The following STK32B variants were observed in gnomAD, a reference collection of about 807,000 sequenced individuals.
The protein encoded by STK32B is serine/threonine kinase 32B.
STK32B carries 43 observed loss-of-function variants against 52.6 expected under a neutral mutation model. The ratio of observed to expected loss-of-function variants is 0.82; its 90% CI spans 0.64 to 1.05. The LOEUF (loss-of-function observed/expected upper bound fraction) is 1.05, where lower values mean the gene tolerates loss of function less well. Ranked by LOEUF, STK32B falls within the 50% of genes least tolerant of loss-of-function variation. The pLI, the probability that STK32B is intolerant of heterozygous loss-of-function variation, is 0.00. For synonymous variants in STK32B, 238 were observed against 204.3 expected (o/e 1.17, Z -1.41); for missense variants, 621 against 534.6 (o/e 1.16, Z -1.59).
intron 3 of STK32B, among the ~76,000 whole-genome samples, chr4:5,222,036 A>C (rs1407955622): frequency 6.6e-6 from 1 of 152,128 alleles, no homozygotes; most frequent in Non-Finnish European, 1.5e-5. Flanking sequence ...AGGACCTAGC[A>C]TTCCACCCCT....
At chr4:5,036,729 G>A in the STK32B span, among the ~76,000 whole-genome samples, 3 of 137,970 alleles carry the variant, frequency 2.2e-5, no homozygotes, top group Non-Finnish European at 3.0e-5. Context: ...GTGCCGTGGC[G>A]TGATCTTGGC....
At position 5,268,541 on chromosome 4, in the gene STK32B, GTGTGT is replaced by G. The variant is rs1727201263; in HGVS notation, c.261-62678_261-62674del. On this transcript the variant is annotated intron_variant, in intron 3 of 11. Coordinates refer to ENST00000282908, the MANE Select transcript of STK32B (RefSeq NM_018401.3). ...ACTATTTGAAGTTGCTTGGTGTGGT[GTGTGT>G]GTGTGTGTGTGTGTGTGTGTGTGTG... Among the ~76,000 whole-genome samples the G allele has an allele frequency of 5.9e-4, 4 of 6,788 alleles. No homozygotes were observed. The African/African-American group carries it at 6.9e-3, about 12-fold the overall frequency. 4.5% of individuals were successfully genotyped at this position (6,788 alleles called of 152,430 possible).
chr4:5,238,551 C>T (rs1724788632), intron 3 of STK32B, among the ~76,000 whole-genome samples: 1 of 152,206 alleles, frequency 6.6e-6, no homozygotes, highest in Non-Finnish European at 1.5e-5. Context: ...AGTCAACATT[C>T]AACCCGCTAC....
chr4:5,284,503 T>C (rs1200657912), intron 3 of STK32B, among the ~76,000 whole-genome samples: 1 of 152,130 alleles, frequency 6.6e-6, no homozygotes, highest in African/African-American at 2.4e-5. Flanking sequence ...TATGATAAAA[T>C]GTACATTAAT....
intron 3 of STK32B, among the ~76,000 whole-genome samples, chr4:5,312,675 CCAGT>C (rs1326788218): frequency 6.6e-6 from 1 of 151,818 alleles, no homozygotes; most frequent in Non-Finnish European, 1.5e-5. Context: ...TTTTCTTAAT[CCAGT>C]CTATCATTGT....
At chr4:5,413,514 T>A (rs1711884973) in intron 5 of STK32B, among the ~76,000 whole-genome samples, 1 of 152,192 alleles carries the variant, frequency 6.6e-6, no homozygotes, top group South Asian at 2.1e-4. Context: ...CATGACACTG[T>A]CCAAAGACAA....
intron 4 of STK32B, among the ~76,000 whole-genome samples, chr4:5,374,228 C>A (rs1014215909): frequency 1.3e-5 from 2 of 152,164 alleles, no homozygotes; most frequent in Non-Finnish European, 2.9e-5. Flanking sequence ...TATTTTGAAG[C>A]CACTCAGTCA....
intron 3 of STK32B, among the ~76,000 whole-genome samples, chr4:5,171,510 T>A (rs1468217186): frequency 6.6e-6 from 1 of 152,218 alleles, no homozygotes; most frequent in Non-Finnish European, 1.5e-5. Context: ...GTGTCCAGTT[T>A]CAGCTTTCTC....
intron 3 of STK32B, chr4:5,204,107 C>T (rs531389237): frequency 2.6e-5 from 4 of 152,348 alleles, no homozygotes; most frequent in African/African-American, 7.2e-5. Context: ...TAATAAATTG[C>T]TTGCAGATGA....
intron 4 of STK32B, among the ~76,000 whole-genome samples, chr4:5,371,243 T>G (rs1463715681): frequency 6.6e-6 from 1 of 151,954 alleles, no homozygotes; most frequent in East Asian, 1.9e-4. Context: ...AGAGGAGACA[T>G]CAAGGTAGGG....
At position 5,395,903 on chromosome 4, in the gene STK32B, C is replaced by T. The variant is rs923606159; in HGVS notation, c.435-2304C>T. Reference sequence around the variant, plus strand: ...GTCTAGGGACCAAGGTGGCCACATCCGTGCCCCATTCTGTTCTCAGGATAT... The same window carrying T: ...GTCTAGGGACCAAGGTGGCCACATCTGTGCCCCATTCTGTTCTCAGGATAT... On this transcript the variant is annotated intron_variant, in intron 4 of 11. Coordinates refer to ENST00000282908, the MANE Select transcript of STK32B (RefSeq NM_018401.3). The surrounding 1 kb of genome is among the most constrained non-coding windows in gnomAD (Gnocchi z 4.4). 3.3e-5 allele frequency among the ~76,000 whole-genome samples: 5 copies of T among 152,202 alleles called. No homozygotes were observed. Among genetic ancestry groups the T allele is most frequent in the African/African-American group, 1.2e-4 (5 of 41,448 alleles).
intron 2 of STK32B, among the ~76,000 whole-genome samples, chr4:5,155,670 C>G (rs979815066): frequency 6.6e-6 from 1 of 152,120 alleles, no homozygotes; most frequent in African/African-American, 2.4e-5. Flanking sequence ...ATAGTGAATT[C>G]TCACGAGAGC....
At chr4:5,187,594 C>CG (rs1560208061) in intron 3 of STK32B, among the ~76,000 whole-genome samples, 1 of 26,760 alleles carries the variant, frequency 3.7e-5, no homozygotes, top group African/African-American at 2.3e-4. Context: ...TGGGGTGTGT[C>CG]GGGGCAGGGT....
intron 1 of STK32B, among the ~76,000 whole-genome samples, chr4:5,120,549 T>C (rs764845492): frequency 6.6e-6 from 1 of 152,222 alleles, no homozygotes; most frequent in Non-Finnish European, 1.5e-5. Context: ...AAACAGTATA[T>C]ATAGGATTCA....
At position 5,499,071 on chromosome 4, in the gene STK32B, C is replaced by G. The variant is rs139287558; in HGVS notation, c.1233C>G (p.Gly411=). The change falls in exon 12 of 12, where the codon GGC becomes GGG. Residue 411 remains glycine, a synonymous_variant. Transcript: ENST00000282908. ...NNLLTHTCTR[G]CSS ...TCCTCACCCACACCTGCACCCGTGGCTGCAGCAGCTGAGCCCACACTTGTT... is the reference window on the plus strand; with the variant it reads ...TCCTCACCCACACCTGCACCCGTGGGTGCAGCAGCTGAGCCCACACTTGTT... 5 of 1,610,242 alleles carry G rather than the reference C, an allele frequency of 3.1e-6. No homozygotes were observed. Among genetic ancestry groups the G allele is most frequent in the South Asian group, 1.1e-5 (1 of 90,414 alleles).
intron 3 of STK32B, among the ~76,000 whole-genome samples, chr4:5,319,053 C>T (rs986061546): frequency 6.6e-6 from 1 of 152,156 alleles, no homozygotes; most frequent in Non-Finnish European, 1.5e-5. Flanking sequence ...ATCCACCCGC[C>T]TTGGCCTCCC....
chr4:5,234,175 G>A (rs754074528), intron 3 of STK32B, among the ~76,000 whole-genome samples: 75 of 152,274 alleles, frequency 4.9e-4, no homozygotes, highest in South Asian at 1.5e-3. Context: ...TATTGGAAGC[G>A]TTGTGTAGTA....
At position 5,345,073 on chromosome 4, in the gene STK32B, A is replaced by G. The variant is rs143565729; in HGVS notation, c.434+13680A>G. 4.2e-3 allele frequency among the ~76,000 whole-genome samples: 632 copies of G among 151,954 alleles called. 4 individuals carry two copies. The highest frequency in any genetic ancestry group is 6.0e-3 in the Non-Finnish European group (409 of 67,960). Reference sequence around the variant, plus strand: ...TTAAAAAAAAAAAGAAAACAAAAACACTTCCCATTTCTCTACAAAACTGTC... The same window carrying G: ...TTAAAAAAAAAAAGAAAACAAAAACGCTTCCCATTTCTCTACAAAACTGTC... On this transcript the variant is annotated intron_variant, in intron 4 of 11. Transcript: ENST00000282908.
intron 3 of STK32B, among the ~76,000 whole-genome samples, chr4:5,192,644 G>C (rs2108766113): frequency 6.6e-6 from 1 of 152,282 alleles, no homozygotes; most frequent in Admixed American, 6.5e-5. Flanking sequence ...GTGATGTTTT[G>C]ATATGTGTAC....
Sources: allele counts gnomAD v4.1 joint callset (sites outside exome capture counted in the v4.1 genomes callset), GRCh38; gene constraint gnomAD v4.1.1; non-coding constraint Gnocchi (gnomAD v3.1); transcripts MANE v1.5; gene names NCBI Gene and HGNC (gene_info 2026-07-23, HGNC 2026-07-21).